AGBL1: variants seen among roughly 807,000 people sequenced by gnomAD.
The protein encoded by AGBL1 is AGBL carboxypeptidase 1.
Under a neutral mutation model 118.9 loss-of-function variants are expected in AGBL1, and 130 were observed. The ratio of observed to expected loss-of-function variants is 1.09; its 90% CI spans 0.95 to 1.26. The LOEUF (loss-of-function observed/expected upper bound fraction) is 1.26. AGBL1 is among the 50% of genes most tolerant of loss of function. AGBL1 has a pLI of 0.00. For missense variants in AGBL1, 1,584 were observed against 1,298.1 expected, an observed-to-expected ratio of 1.22 and a Z score of -3.38; for synonymous variants, 555 against 478.9, an observed-to-expected ratio of 1.16 and a Z score of -2.08.
At chr15:86,826,624 T>C (rs1440819529) in intron 22 of AGBL1, among the ~76,000 whole-genome samples, 1 of 152,064 alleles carries the variant, frequency 6.6e-6, no homozygotes, top group African/African-American at 2.4e-5. Flanking sequence ...GTTTTAAAAT[T>C]TGCATTTCTA....
chr15:86,966,647 T>A (rs1183851505), intron 23 of AGBL1, among the ~76,000 whole-genome samples: 3 of 152,010 alleles, frequency 2.0e-5, no homozygotes, highest in Admixed American at 2.0e-4. Context: ...CCTACCAAGG[T>A]CATGAACTCA....
At chr15:86,530,759 C>T (rs1262832299) in intron 19 of AGBL1, among the ~76,000 whole-genome samples, 1 of 145,794 alleles carries the variant, frequency 6.9e-6, no homozygotes, top group Non-Finnish European at 1.5e-5. Flanking sequence ...AACAAACTAT[C>T]TCTCAGACCA....
At chr15:86,860,713 A>AGTGTGTGT (rs3030214) in intron 22 of AGBL1, among the ~76,000 whole-genome samples, 1 of 148,726 alleles carries the variant, frequency 6.7e-6, no homozygotes, top group Non-Finnish European at 1.5e-5. Context: ...TCTGTGAGTA[A>AGTGTGTGT]GTGTGTGTGT....
At chr15:86,814,577 A>G (rs1246509145) in intron 22 of AGBL1, among the ~76,000 whole-genome samples, 3 of 152,200 alleles carry the variant, frequency 2.0e-5, no homozygotes, top group African/African-American at 7.2e-5. Context: ...ATATTCCATC[A>G]GGTAGAGAGG....
intron 21 of AGBL1, among the ~76,000 whole-genome samples, chr15:86,607,187 CCA>C (rs1310929350): frequency 6.6e-6 from 1 of 152,146 alleles, no homozygotes; most frequent in Admixed American, 6.6e-5. Context: ...TCTGGAGGTA[CCA>C]CAGTGTATGT....
rs2081761738 is a variant in AGBL1 at position 87,029,000 on chromosome 15, C to T, written c.*160C>T. 3 of 673,326 alleles carry T rather than the reference C, an allele frequency of 4.5e-6. No individual in the cohort carries two copies. In the South Asian group the frequency reaches 7.0e-5, roughly 16 times the overall value. 41.7% of individuals were successfully genotyped at this position (673,326 alleles called of 1,614,324 possible). On this transcript the variant is annotated 3_prime_UTR_variant, in exon 25 of 25. Coordinates refer to the AGBL1 transcript ENST00000441037. ...ACTCCCTTATCTAGTATATCTACCTCCATAAGAAAACATAAGGACAGGCAA... is the reference window on the plus strand; with the variant it reads ...ACTCCCTTATCTAGTATATCTACCTTCATAAGAAAACATAAGGACAGGCAA...
intron 17 of AGBL1, among the ~76,000 whole-genome samples, chr15:86,297,690 C>G (rs1467652821): frequency 6.6e-6 from 1 of 152,132 alleles, no homozygotes; most frequent in African/African-American, 2.4e-5. Flanking sequence ...GATTATGTAG[C>G]TGATTGGTAT....
chr15:86,452,526 T>G (rs998012170), intron 18 of AGBL1, among the ~76,000 whole-genome samples: 1 of 152,210 alleles, frequency 6.6e-6, no homozygotes. Context: ...CACCTGTCCT[T>G]AGCACATGCT....
In AGBL1 at chr15:86,629,540, C is replaced by T. The variant is rs371679383; in HGVS notation, c.2995-44733C>T. 1.1e-3 allele frequency among the ~76,000 whole-genome samples: 162 copies of T among 152,234 alleles called. 1 individual carries two copies. In the South Asian group the frequency reaches 0.028, roughly 27 times the overall value. On this transcript the variant is annotated intron_variant, in intron 21 of 22. Transcript: ENST00000614907. Reference sequence around the variant, plus strand: ...CACATTCAGAATAAGAATAAAATAACGCACCCTTTGAATCATACATAGGTA... The same window carrying T: ...CACATTCAGAATAAGAATAAAATAATGCACCCTTTGAATCATACATAGGTA...
At chr15:86,663,475 G>A (rs1264349149) in intron 21 of AGBL1, among the ~76,000 whole-genome samples, 2 of 152,132 alleles carry the variant, frequency 1.3e-5, no homozygotes, top group East Asian at 3.9e-4. Flanking sequence ...CGAGGTAGCT[G>A]CAGGTAGGTT....
chr15:86,463,125 G>T (rs972725464), intron 18 of AGBL1, among the ~76,000 whole-genome samples: 1 of 152,014 alleles, frequency 6.6e-6, no homozygotes. Flanking sequence ...TTTAATGATC[G>T]CCATTCTAAC....
chr15:86,599,252 T>C (rs563248390), intron 21 of AGBL1, among the ~76,000 whole-genome samples: 1 of 151,870 alleles, frequency 6.6e-6, no homozygotes, highest in Non-Finnish European at 1.5e-5. Context: ...GAGAATATTC[T>C]ATAGTCATAT....
intron 1 of AGBL1, among the ~76,000 whole-genome samples, chr15:86,124,496 C>A (rs1454521614): frequency 4.6e-5 from 7 of 152,006 alleles, no homozygotes; most frequent in Admixed American, 2.0e-4. Flanking sequence ...CTTTGTGCTA[C>A]CTTTGTAACT....
rs899999927 is a variant in AGBL1, at chr15:86,270,051, C to T, written c.1971C>T (p.Asn657=). 2 of 1,612,336 alleles carry T rather than the reference C, an allele frequency of 1.2e-6. No individual in the cohort carries two copies. The highest frequency in any genetic ancestry group is 1.7e-5 in the Admixed American group (1 of 59,804). The change falls in exon 14 of 23, where the codon AAC becomes AAT. Residue 657 remains asparagine, a synonymous_variant. Transcript: ENST00000614907. Reference sequence around the variant, plus strand: ...ACATCATCAACTGTGAGAAGCCCAACAGCCAGTTTAATTATGGTATGAACG... The same window carrying T: ...ACATCATCAACTGTGAGAAGCCCAATAGCCAGTTTAATTATGGTATGAACG... ...HFNIINCEKP[N]SQFNYGMQPT...
At chr15:86,945,159 C>A (rs548762138) in intron 23 of AGBL1, among the ~76,000 whole-genome samples, 5 of 148,068 alleles carry the variant, frequency 3.4e-5, no homozygotes, top group Non-Finnish European at 7.4e-5. Context: ...GCAGGAGGAT[C>A]GCCTGAACCA....
chr15:86,313,047 G>A (rs141087776), intron 17 of AGBL1, among the ~76,000 whole-genome samples: 23 of 152,324 alleles, frequency 1.5e-4, no homozygotes, highest in African/African-American at 5.3e-4. Flanking sequence ...GCTTCTGGAA[G>A]GTGCTGTTGG....
In AGBL1 at chr15:86,256,971, C is replaced by T. The variant is rs199544767; in HGVS notation, c.854C>T (p.Pro285Leu). ...LVTASSAYAF[P>L]VPGCITTEPP... ...ACAGCCAGCAGTGCCTATGCCTTCC[C>T]GGTCCCCGGGTGCATCACCACTGAA... The change falls in exon 8 of 23, where the codon CCG (proline) becomes CTG (leucine). Residue 285 changes from proline (P) to leucine (L), a missense_variant. Coordinates refer to ENST00000614907, the MANE Select transcript of AGBL1 (RefSeq NM_001386094.1). The T allele has an allele frequency of 4.0e-5, 65 of 1,613,880 alleles. No homozygotes were observed. Among genetic ancestry groups the T allele is most frequent in the African/African-American group, 1.7e-4 (13 of 75,022 alleles).
intron 9 of AGBL1, chr15:86,262,574 T>A (rs1290875285): frequency 3.1e-6 from 2 of 634,956 alleles, no homozygotes; most frequent in African/African-American, 3.6e-5. Flanking sequence ...ACATAAATGC[T>A]GAGACAAGTC....
chr15:86,614,342 C>T (rs1370099554), intron 21 of AGBL1, among the ~76,000 whole-genome samples: 1 of 152,142 alleles, frequency 6.6e-6, no homozygotes, highest in Non-Finnish European at 1.5e-5. Flanking sequence ...TATTGCTGTT[C>T]ACATGAATAC....
Sources: allele counts gnomAD v4.1 joint callset (sites outside exome capture counted in the v4.1 genomes callset), GRCh38; gene constraint gnomAD v4.1.1; transcripts MANE v1.5; gene names NCBI Gene and HGNC (gene_info 2026-07-23, HGNC 2026-07-21).